The following THRA variants were observed in gnomAD, a reference collection of about 807,000 sequenced individuals.
The protein encoded by THRA is thyroid hormone receptor alpha.
Under a neutral mutation model 45.0 loss-of-function variants are expected in THRA, and 13 were observed. That is an observed-to-expected ratio of 0.29 (90% CI 0.19 to 0.46). THRA has a LOEUF of 0.46. Among genes scored for constraint, THRA ranks in the 20% least tolerant of loss-of-function variants. The pLI is 1.00. For synonymous variants in THRA, 195 were observed against 214.0 expected, an observed-to-expected ratio of 0.91 and a Z score of 0.78; for missense variants, 278 against 556.1, an observed-to-expected ratio of 0.50 and a Z score of 5.03.
Position 40,089,693 on chromosome 17 carries a change from A to G in THRA, c.*237A>G, listed in dbSNP as rs1987464186. ...AAAGGACAGTGTGGGAGGCTGGGGG[A>G]GCTGTGTCCTGCAGTTCCCAGGACC... On this transcript the variant is annotated 3_prime_UTR_variant, in exon 9 of 9. Coordinates refer to ENST00000450525, the MANE Select transcript of THRA (RefSeq NM_199334.5). The surrounding 1 kb of genome is among the most constrained non-coding windows in gnomAD (Gnocchi z 6.1). 2 of 1,381,510 alleles carry G rather than the reference A, an allele frequency of 1.4e-6. No homozygotes were observed. The highest frequency in any genetic ancestry group is 1.9e-6 in the Non-Finnish European group (2 of 1,065,464). 85.6% of individuals were successfully genotyped at this position (1,381,510 alleles called of 1,614,324 possible). A position where few individuals can be genotyped will look rare whatever the true frequency, so the allele number is the denominator to read the frequency against.
intron 8 of THRA, among the ~76,000 whole-genome samples, chr17:40,088,753 C>T (rs1020097709): frequency 1.3e-5 from 2 of 151,926 alleles, no homozygotes; most frequent in African/African-American, 4.8e-5. Flanking sequence ...CTGCCCTGTC[C>T]CTCTGTCACT....
At chr17:40,087,945 A>G (rs989570122) in intron 7 of THRA, among the ~76,000 whole-genome samples, 3 of 152,104 alleles carry the variant, frequency 2.0e-5, no homozygotes, top group Admixed American at 6.5e-5. Context: ...TTTAGTAGAG[A>G]TGGGTTTCAC....
At chr17:40,083,701 C>T in intron 4 of THRA, 134 bp from the exon 5 acceptor site, 3 of 1,198,272 alleles carry the variant, frequency 2.5e-6, no homozygotes, top group Non-Finnish European at 1.2e-6. Context: ...CTCATGGTGT[C>T]AGGAGGATGC....
rs1567656282 is a variant in THRA, at chr17:40,089,475, G to C, written c.*19G>C. The C allele has an allele frequency of 6.2e-7, 1 of 1,612,604 alleles. No homozygotes were observed. The highest frequency in any genetic ancestry group is 1.1e-5 in the South Asian group (1 of 90,950). On this transcript the variant is annotated 3_prime_UTR_variant, in exon 9 of 9. Transcript: ENST00000450525. This position sits in a 1 kb window ranked among gnomAD's most constrained non-coding sequence, Gnocchi z 6.1. Reference sequence around the variant, plus strand: ...AGTCTAAAGCCTCAGGCGGCCAGAGGGTGTGCGGAGCTGGTGGGGAGGAGC... The same window carrying C: ...AGTCTAAAGCCTCAGGCGGCCAGAGCGTGTGCGGAGCTGGTGGGGAGGAGC...
intron 2 of THRA, among the ~76,000 whole-genome samples, chr17:40,074,769 G>A (rs1328955906): frequency 6.6e-6 from 1 of 152,192 alleles, no homozygotes; most frequent in African/African-American, 2.4e-5. Flanking sequence ...GCAATTACAG[G>A]GAGCACATAA....
intron 3 of THRA, 45 bp downstream of exon 3, chr17:40,076,983 C>T (rs1373070626): frequency 1.9e-6 from 3 of 1,589,974 alleles, no homozygotes; most frequent in Admixed American, 1.7e-5. Flanking sequence ...CCCAACCCCA[C>T]CAAACCCAGC....
chr17:40,086,687 AC>A lies in THRA; in HGVS notation c.577-15del. ...TGAAAGGGGTCTGCGGCCCCAGCTG[AC>A]CCCCGTCTTTCTCTCTAGCCCGATG... On this transcript the variant is annotated intron_variant, in intron 6 of 8. Coordinates refer to ENST00000450525, the MANE Select transcript of THRA (RefSeq NM_199334.5). 3.1e-6 allele frequency: 5 copies of A among 1,607,764 alleles called. No individual in the cohort carries two copies. The highest frequency in any genetic ancestry group is 4.3e-6 in the Non-Finnish European group (5 of 1,175,248).
chr17:40,088,975 A>G (rs1462008010), intron 8 of THRA, among the ~76,000 whole-genome samples: 1 of 66,084 alleles, frequency 1.5e-5, no homozygotes, highest in Admixed American at 1.9e-4. Flanking sequence ...TCCTCCTTGC[A>G]TTGCCCCCTC....
chr17:40,068,060 C>T (rs1482817647), intron 1 of THRA, among the ~76,000 whole-genome samples: 1 of 152,156 alleles, frequency 6.6e-6, no homozygotes, highest in African/African-American at 2.4e-5. Context: ...AAACAAAAAA[C>T]CCAACTCTAG....
chr17:40,093,437 C>T (rs572783599), downstream of THRA: 6 of 1,549,212 alleles, frequency 3.9e-6, no homozygotes, highest in Admixed American at 5.7e-5. This position sits in a 1 kb window ranked among gnomAD's most constrained non-coding sequence, Gnocchi z 5.9. Flanking sequence ...TTCTCCCAGG[C>T]CTCTGCCCCA....
At position 40,089,601 on chromosome 17, in the gene THRA, C is replaced by T. The variant is rs759786898; in HGVS notation, c.*145C>T. 11 of 1,448,422 alleles carry T rather than the reference C, an allele frequency of 7.6e-6. No homozygotes were observed. The highest frequency in any genetic ancestry group is 2.5e-5 in the East Asian group (1 of 40,372). 89.7% of individuals were successfully genotyped at this position (1,448,422 alleles called of 1,614,324 possible). ...TAGATTCAGCTCCCACACACACACC[C>T]GCACTGCCCAGGTCCCTCCTCAGAC... On this transcript the variant is annotated 3_prime_UTR_variant, in exon 9 of 9. Transcript: ENST00000450525. The surrounding 1 kb of genome is among the most constrained non-coding windows in gnomAD (Gnocchi z 6.1).
intron 6 of THRA, among the ~76,000 whole-genome samples, chr17:40,085,089 G>C (rs932709619): frequency 1.8e-4 from 27 of 152,090 alleles, no homozygotes; most frequent in African/African-American, 6.5e-4. Context: ...TCTTTTTCCT[G>C]CCCTTAGTGA....
intron 4 of THRA, among the ~76,000 whole-genome samples, chr17:40,080,717 CTTTTTTTTT>C (rs755937821): frequency 2.0e-5 from 2 of 99,306 alleles, no homozygotes; most frequent in Non-Finnish European, 4.1e-5. Flanking sequence ...CCTTTGGTGA[CTTTTTTTTT>C]TTTTTTTTTT....
rs774769952 is a variant in THRA at position 40,086,802 on chromosome 17, G to A, written c.672G>A (p.Pro224=). 2.7e-5 allele frequency: 44 copies of A among 1,614,118 alleles called. No individual in the cohort carries two copies. The highest frequency in any genetic ancestry group is 9.3e-5 in the African/African-American group (7 of 75,018). ...AFSEFTKIIT[P]AITRVVDFAK... ...GCGAGTTTACCAAGATCATCACCCCGGCCATCACCCGTGTGGTGGACTTTG... is the reference window on the plus strand; with the variant it reads ...GCGAGTTTACCAAGATCATCACCCCAGCCATCACCCGTGTGGTGGACTTTG... Residue 224 remains proline, a synonymous_variant, in exon 7 of 9, where the codon CCG becomes CCA. Coordinates refer to ENST00000450525, the MANE Select transcript of THRA (RefSeq NM_199334.5).
chr17:40,093,774 A>C, downstream of THRA: 1 of 752,700 alleles, frequency 1.3e-6, no homozygotes, highest in Non-Finnish European at 2.2e-6. The surrounding 1 kb of genome is among the most constrained non-coding windows in gnomAD (Gnocchi z 5.9). Flanking sequence ...CTGTTTCCCA[A>C]GCTAGACTGT....
intron 1 of THRA, among the ~76,000 whole-genome samples, chr17:40,066,663 C>CAAAAAAAAAAAAAA (rs553082902): frequency 1.2e-4 from 6 of 49,416 alleles, no homozygotes; most frequent in Non-Finnish European, 1.4e-4. Context: ...GACTCCGTCT[C>CAAAAAAAAAAAAAA]AAAAAAAAAA....
rs200716066 is a variant in THRA at position 40,077,599 on chromosome 17, G to A, written c.213G>A (p.Glu71=). ...TGYHYRCITC[E]GCKGFFRRTI... ...ATCACTACCGCTGTATCACTTGTGA[G>A]GGCTGCAAGGTATGGAAGCTACCTC... The change falls in exon 4 of 9, where the codon GAG becomes GAA. Residue 71 remains glutamate (E), a synonymous_variant. Transcript: ENST00000450525. The A allele has an allele frequency of 3.7e-6, 6 of 1,613,814 alleles. No individual in the cohort carries two copies. The highest frequency in any genetic ancestry group is 1.7e-6 in the Non-Finnish European group (2 of 1,179,800).
chr17:40,065,941 A>G (rs1485675227), intron 1 of THRA, among the ~76,000 whole-genome samples: 4 of 152,180 alleles, frequency 2.6e-5, no homozygotes, highest in African/African-American at 9.7e-5. Context: ...AACCGCCCCC[A>G]TGGGCAGTGG....
In THRA at chr17:40,090,065, G is replaced by A. The variant is rs1763490363; in HGVS notation, c.*609G>A. 7 of 979,360 alleles carry A rather than the reference G, an allele frequency of 7.1e-6. No individual in the cohort carries two copies. Among genetic ancestry groups the A allele is most frequent in the Non-Finnish European group, 7.3e-6 (6 of 823,934 alleles). The allele number at this position is 979,360 out of a possible 1,614,324, so 60.7% of individuals were successfully genotyped here. ...AAAATACAAAAAAGAGAGAGCGAGCGATAGAGAGAGATGATATTAAGTTAT... is the reference window on the plus strand; with the variant it reads ...AAAATACAAAAAAGAGAGAGCGAGCAATAGAGAGAGATGATATTAAGTTAT... On this transcript the variant is annotated 3_prime_UTR_variant, in exon 9 of 9. Transcript: ENST00000450525.
Sources: allele counts gnomAD v4.1 joint callset (sites outside exome capture counted in the v4.1 genomes callset), GRCh38; gene constraint gnomAD v4.1.1; non-coding constraint Gnocchi (gnomAD v3.1); transcripts MANE v1.5; gene names NCBI Gene and HGNC (gene_info 2026-07-23, HGNC 2026-07-21).